WNK1: variants seen among roughly 807,000 people sequenced by gnomAD.
The protein encoded by WNK1 is WNK lysine deficient protein kinase 1.
A neutral mutation model predicts 222.8 loss-of-function variants in WNK1; 38 were observed. The ratio of observed to expected loss-of-function variants is 0.17; its 90% confidence interval spans 0.13 to 0.22. The LOEUF is 0.22. Ranked by LOEUF, WNK1 falls within the 10% of genes least tolerant of loss-of-function variation. The pLI, the probability that WNK1 is intolerant of heterozygous loss-of-function variation, is 1.00. For synonymous variants in WNK1, 1,090 were observed against 1,092.9 expected, an observed-to-expected ratio of 1.00 and a Z score of 0.05; for missense variants, 2,348 against 2,918.4, an observed-to-expected ratio of 0.80 and a Z score of 4.50.
intron 2 of WNK1, among the ~76,000 whole-genome samples, chr12:823,410 A>G (rs1171595394): frequency 1.3e-5 from 2 of 152,124 alleles, no homozygotes; most frequent in Non-Finnish European, 2.9e-5. Flanking sequence ...CCCATTGTGT[A>G]TATTTTGCTC....
At chr12:850,201 C>T (rs1044402096) in intron 4 of WNK1, among the ~76,000 whole-genome samples, 2 of 152,198 alleles carry the variant, frequency 1.3e-5, no homozygotes, top group African/African-American at 4.8e-5. Flanking sequence ...AAAAGTGTTC[C>T]TATTTCTCCA....
At chr12:754,431 G>T (rs1939660352) in intron 1 of WNK1, 107 bp downstream of exon 1, 2 of 1,469,550 alleles carry the variant, frequency 1.4e-6, no homozygotes, top group Non-Finnish European at 9.5e-7. Context: ...GTTGGACTCC[G>T]AGTGGGACGG....
chr12:794,092 A>T (rs905647542), intron 1 of WNK1, among the ~76,000 whole-genome samples: 6 of 152,090 alleles, frequency 3.9e-5, no homozygotes, highest in African/African-American at 1.4e-4. Flanking sequence ...ATGGATCAGC[A>T]CTTCATTTTT....
intron 1 of WNK1, among the ~76,000 whole-genome samples, chr12:757,191 G>A (rs1940182814): frequency 6.6e-6 from 1 of 151,636 alleles, no homozygotes; most frequent in Non-Finnish European, 1.5e-5. Flanking sequence ...TTCAAATTGA[G>A]ATATAAATAG....
intron 11 of WNK1, 149 bp downstream of exon 11, chr12:880,180 G>C: frequency 2.4e-6 from 2 of 824,118 alleles, no homozygotes. Flanking sequence ...AGAAAGGATT[G>C]GATAATGATG....
intron 1 of WNK1, among the ~76,000 whole-genome samples, chr12:795,498 A>G (rs1272531362): frequency 6.6e-6 from 1 of 151,620 alleles, no homozygotes; most frequent in Non-Finnish European, 1.5e-5. Flanking sequence ...TGATAAGGGG[A>G]AACTGTTTTG....
At chr12:876,048 G>C (rs1952578230) in intron 9 of WNK1, among the ~76,000 whole-genome samples, 1 of 152,110 alleles carries the variant, frequency 6.6e-6, no homozygotes, top group Admixed American at 6.6e-5. Context: ...GTTTATCTTA[G>C]TTTGCAGAAA....
intron 1 of WNK1, among the ~76,000 whole-genome samples, chr12:770,693 T>A (rs1386206317): frequency 1.2e-4 from 18 of 152,232 alleles, no homozygotes; most frequent in Admixed American, 1.2e-3. Context: ...TTGCTGTTGC[T>A]GAACACAGAA....
At chr12:857,087 C>G in intron 4 of WNK1, 74 bp from the exon 5 acceptor site, 2 of 1,486,672 alleles carry the variant, frequency 1.3e-6, no homozygotes, top group Non-Finnish European at 9.4e-7. Flanking sequence ...CCTAAAAGAA[C>G]CTTAATTGGA....
At chr12:879,469 C>CTTTTTTT in intron 10 of WNK1, 104 bp from the exon 11 acceptor site, 5 of 564,206 alleles carry the variant, frequency 8.9e-6, no homozygotes, top group Non-Finnish European at 1.1e-5. Flanking sequence ...TTTGTTTTTT[C>CTTTTTTT]CTTCTTTTTG....
intron 25 of WNK1, among the ~76,000 whole-genome samples, chr12:899,294 C>T (rs890758766): frequency 6.9e-5 from 3 of 43,638 alleles, no homozygotes; most frequent in African/African-American, 2.9e-4. Flanking sequence ...TGATCCCAAT[C>T]AGATCTTTTT....
chr12:868,256 T>C (rs1448934838), intron 8 of WNK1: 3 of 1,601,814 alleles, frequency 1.9e-6, no homozygotes, highest in East Asian at 2.2e-5. Context: ...AGCTCACTAT[T>C]TTATTCCTCA....
At chr12:838,532 A>G (rs12309987) in intron 4 of WNK1, among the ~76,000 whole-genome samples, 542 of 152,192 alleles carry the variant, frequency 3.6e-3, no homozygotes, top group African/African-American at 0.013. Context: ...CTCCCGCCTC[A>G]GCCTCCTGAG....
intron 25 of WNK1, among the ~76,000 whole-genome samples, chr12:899,829 A>G (rs1463967843): frequency 6.6e-6 from 1 of 151,152 alleles, no homozygotes; most frequent in Non-Finnish European, 1.5e-5. Flanking sequence ...ACCTTTTTGT[A>G]TAATGATTCA....
chr12:852,621 C>CT (rs977534431), intron 4 of WNK1, among the ~76,000 whole-genome samples: 1 of 151,968 alleles, frequency 6.6e-6, no homozygotes, highest in African/African-American at 2.4e-5. Context: ...TAGCTTAGTT[C>CT]TTTTTTCTTC....
At position 900,674 on chromosome 12, in the gene WNK1, A is replaced by G. The variant is rs1420439255; in HGVS notation, c.6643+4A>G. 1 of 1,614,186 alleles carries G rather than the reference A, an allele frequency of 6.2e-7. No individual in the cohort carries two copies. The highest frequency in any genetic ancestry group is 2.2e-5 in the East Asian group (1 of 44,882). On this transcript the variant is annotated splice_donor_region_variant and intron_variant, in intron 26 of 27. Coordinates refer to ENST00000315939, the MANE Select transcript of WNK1 (RefSeq NM_018979.4). ...AGCCTTTCTGCTCCAGGTCAAGGTA[A>G]TAAAGCAACCATCATCGTCCAAAAA... is the stretch of plus-strand genomic sequence containing the variant.
chr12:765,373 C>T (rs1000556053), intron 1 of WNK1, among the ~76,000 whole-genome samples: 1 of 146,198 alleles, frequency 6.8e-6, no homozygotes, highest in South Asian at 2.3e-4. Flanking sequence ...CATAGCAAGA[C>T]CCTGTCTACA....
At chr12:768,863 G>A (rs1942104379) in intron 1 of WNK1, among the ~76,000 whole-genome samples, 1 of 151,504 alleles carries the variant, frequency 6.6e-6, no homozygotes, top group Non-Finnish European at 1.5e-5. Context: ...AAACTGGAGT[G>A]CAGTGGTGCA....
chr12:756,727 T>C (rs947695561), intron 1 of WNK1, among the ~76,000 whole-genome samples: 1 of 152,244 alleles, frequency 6.6e-6, no homozygotes, highest in African/African-American at 2.4e-5. Context: ...GTTTGAACTT[T>C]TATCTTTGGA....
Sources: gnomAD v4.1 joint callset for allele counts (sites outside exome capture counted in the v4.1 genomes callset) on GRCh38, gnomAD v4.1.1 for gene constraint, MANE v1.5 for transcripts, NCBI Gene and HGNC (gene_info 2026-07-23, HGNC 2026-07-21) for gene names.